The following MPPED1 variants were observed in gnomAD, a reference collection of about 807,000 sequenced individuals.
The protein encoded by MPPED1 is metallophosphoesterase domain-containing protein 1.
Under a neutral mutation model 36.2 loss-of-function variants are expected in MPPED1, and 16 were observed. The observed-to-expected ratio is 0.44, with a 90% CI of 0.30 to 0.67. The LOEUF is 0.67. Among genes scored for constraint, MPPED1 ranks in the 30% least tolerant of loss-of-function variants. MPPED1 has a pLI of 0.10. For synonymous variants in MPPED1, 199 were observed against 191.3 expected, an observed-to-expected ratio of 1.04 and a Z score of -0.33; for missense variants, 307 against 453.4, an observed-to-expected ratio of 0.68 and a Z score of 2.93.
At chr22:43,419,825 G>C (rs1026941074) in intron 1 of MPPED1, among the ~76,000 whole-genome samples, 1 of 152,112 alleles carries the variant, frequency 6.6e-6, no homozygotes, top group African/African-American at 2.4e-5. Flanking sequence ...TACAGTTGGC[G>C]TCAAATGGGA....
chr22:43,440,794 T>G (rs1035952832), intron 3 of MPPED1, among the ~76,000 whole-genome samples: 4 of 152,070 alleles, frequency 2.6e-5, no homozygotes, highest in Admixed American at 2.6e-4. Context: ...AGGCCACAGG[T>G]GGCTTTGTAC....
Position 43,435,028 on chromosome 22 carries a change from C to A in MPPED1, c.225-6C>A, listed in dbSNP as rs1290521189. 1.9e-6 allele frequency: 3 copies of A among 1,613,094 alleles called. No individual in the cohort carries two copies. Among genetic ancestry groups the A allele is most frequent in the Non-Finnish European group, 2.5e-6 (3 of 1,179,626 alleles). On this transcript the variant is annotated splice_region_variant and splice_polypyrimidine_tract_variant and intron_variant, in intron 2 of 6. Coordinates refer to ENST00000443721, the MANE Select transcript of MPPED1 (RefSeq NM_001044370.2). ...TCCTGATCCGCAGTGTCATCTCTCC[C>A]TGCAGGGTGGACCCGGTGCCTCACG...
intron 5 of MPPED1, among the ~76,000 whole-genome samples, chr22:43,499,550 G>T (rs1379640540): frequency 2.1e-5 from 3 of 142,354 alleles, no homozygotes; most frequent in African/African-American, 8.0e-5. Context: ...GATGGTGGGT[G>T]GTGGTGGAGG....
chr22:43,483,142 T>A (rs958700590), intron 4 of MPPED1, among the ~76,000 whole-genome samples: 4 of 152,242 alleles, frequency 2.6e-5, no homozygotes, highest in Non-Finnish European at 5.9e-5. Context: ...CCCCACCTGG[T>A]GTGCACAGTG....
Position 43,425,198 on chromosome 22 carries a change from G to A in MPPED1, c.213G>A (p.Pro71=), listed in dbSNP as rs760492730. ...YNINQGRFQP[P]HVQMVDPVPH... ...TCAACCAGGGCCGCTTCCAGCCACC[G>A]CATGTGCAGATGTAAGTGGGACCGG... The change falls in exon 2 of 7, where the codon CCG becomes CCA. Residue 71 remains proline, a synonymous_variant. Transcript: ENST00000443721. The A allele has an allele frequency of 2.6e-5, 41 of 1,582,292 alleles. No individual in the cohort carries two copies. The highest frequency in any genetic ancestry group is 9.4e-5 in the East Asian group (4 of 42,776).
intron 3 of MPPED1, among the ~76,000 whole-genome samples, chr22:43,465,782 G>A (rs914392458): frequency 1.3e-5 from 2 of 152,196 alleles, no homozygotes; most frequent in African/African-American, 4.8e-5. Context: ...CCTGGTGTGT[G>A]GAACAGCAGA....
chr22:43,474,984 C>A lies in MPPED1; in HGVS notation c.632+23C>A, dbSNP rs765187943. 1 of 1,609,596 alleles carries A rather than the reference C, an allele frequency of 6.2e-7. No individual in the cohort carries two copies. The highest frequency in any genetic ancestry group is 8.5e-7 in the Non-Finnish European group (1 of 1,176,460). On this transcript the variant is annotated intron_variant, in intron 4 of 6. Coordinates refer to ENST00000443721, the MANE Select transcript of MPPED1 (RefSeq NM_001044370.2). The surrounding 1 kb of genome is among the most constrained non-coding windows in gnomAD (Gnocchi z 5.2). ...ATGGTGAGTGGGCCTGGGTGCTGGT[C>A]CTGCCTGCTGGTGAGACCAGAGCTG...
chr22:43,501,132 G>A (rs142103152), intron 5 of MPPED1, among the ~76,000 whole-genome samples: 1 of 152,192 alleles, frequency 6.6e-6, no homozygotes, highest in Admixed American at 6.5e-5. Flanking sequence ...GGAAGCGGAG[G>A]CCTGGGCCCT....
intron 2 of MPPED1, among the ~76,000 whole-genome samples, chr22:43,426,569 G>A (rs947703352): frequency 1.4e-4 from 21 of 152,200 alleles, no homozygotes; most frequent in African/African-American, 3.6e-4. Flanking sequence ...CGGACCACTC[G>A]GAGAAGGAGT....
intron 4 of MPPED1, among the ~76,000 whole-genome samples, chr22:43,478,915 C>G (rs13058405): frequency 6.6e-6 from 1 of 152,136 alleles, no homozygotes; most frequent in Non-Finnish European, 1.5e-5. Flanking sequence ...ACGAGAGTCT[C>G]TTGGTAGAGA....
rs149817799 is a variant in MPPED1 at position 43,502,972 on chromosome 22, G to A, written c.862+215G>A. 6.6e-6 allele frequency among the ~76,000 whole-genome samples: 1 copy of A among 152,176 alleles called. No homozygotes were observed. Among genetic ancestry groups the A allele is most frequent in the Non-Finnish European group, 1.5e-5 (1 of 68,004 alleles). ...TGATCACAACATCCTGCATGACTTA[G>A]GGGGTAAATTTTGCTTCCGGGGAGC... On this transcript the variant is annotated intron_variant, in intron 6 of 6. Transcript: ENST00000443721. The surrounding 1 kb of genome is among the most constrained non-coding windows in gnomAD (Gnocchi z 5.5).
At chr22:43,485,134 A>T (rs1931870750) in intron 4 of MPPED1, among the ~76,000 whole-genome samples, 1 of 152,140 alleles carries the variant, frequency 6.6e-6, no homozygotes, top group Non-Finnish European at 1.5e-5. Flanking sequence ...TATCATGTAC[A>T]CACAGAAACA....
intron 5 of MPPED1, among the ~76,000 whole-genome samples, chr22:43,500,286 ATGGGGG>A (rs1467894323): frequency 4.3e-5 from 1 of 23,524 alleles, no homozygotes; most frequent in Admixed American, 4.8e-4. Context: ...GGCGGTGGTG[ATGGGGG>A]TGGTGGTGGT....
At chr22:43,449,898 T>C (rs1930502589) in intron 3 of MPPED1, among the ~76,000 whole-genome samples, 1 of 152,162 alleles carries the variant, frequency 6.6e-6, no homozygotes, top group Non-Finnish European at 1.5e-5. Context: ...AACTCTTCAT[T>C]ATTTCCATCC....
chr22:43,442,727 A>T (rs1930193463), intron 3 of MPPED1, among the ~76,000 whole-genome samples: 1 of 152,078 alleles, frequency 6.6e-6, no homozygotes, highest in Non-Finnish European at 1.5e-5. Context: ...TTCTGCCCTC[A>T]TCAGCCAGCT....
intron 2 of MPPED1, among the ~76,000 whole-genome samples, chr22:43,430,722 A>T (rs1929645892): frequency 6.6e-6 from 1 of 151,958 alleles, no homozygotes; most frequent in South Asian, 2.1e-4. Flanking sequence ...ACTGAGAAAG[A>T]ACCATTTTGC....
At chr22:43,477,349 A>C (rs1335826767) in intron 4 of MPPED1, among the ~76,000 whole-genome samples, 1 of 152,168 alleles carries the variant, frequency 6.6e-6, no homozygotes, top group Admixed American at 6.5e-5. Flanking sequence ...CAGGTGGTGG[A>C]GGTGAGACCT....
At chr22:43,449,131 A>G (rs144842317) in intron 3 of MPPED1, among the ~76,000 whole-genome samples, 1 of 152,300 alleles carries the variant, frequency 6.6e-6, no homozygotes, top group African/African-American at 2.4e-5. Context: ...CCTACGTTTC[A>G]TATTCGAAAT....
At chr22:43,420,306 C>T (rs1189109342) in intron 1 of MPPED1, among the ~76,000 whole-genome samples, 1 of 152,204 alleles carries the variant, frequency 6.6e-6, no homozygotes, top group Non-Finnish European at 1.5e-5. Flanking sequence ...ATCCAGGCCG[C>T]CCAGGCCTCA....
Sources: allele counts gnomAD v4.1 joint callset (sites outside exome capture counted in the v4.1 genomes callset), GRCh38; gene constraint gnomAD v4.1.1; non-coding constraint Gnocchi (gnomAD v3.1); transcripts MANE v1.5; gene names NCBI Gene and HGNC (gene_info 2026-07-23, HGNC 2026-07-21).